The following UBE2E2 variants were observed in gnomAD, a reference collection of about 807,000 sequenced individuals.
The protein encoded by UBE2E2 is ubiquitin conjugating enzyme E2 E2.
UBE2E2 carries 6 observed loss-of-function variants against 24.7 expected under a neutral mutation model. The observed-to-expected ratio is 0.24, with a 90% CI of 0.13 to 0.48. The LOEUF (loss-of-function observed/expected upper bound fraction) is 0.48, where lower values mean the gene tolerates loss of function less well. Among genes scored for constraint, UBE2E2 ranks in the 20% least tolerant of loss-of-function variants. The probability of loss-of-function intolerance (pLI) is 0.99; values close to 1 mark genes in which losing one functional copy is unlikely to be tolerated. For missense variants in UBE2E2, 169 were observed against 245.0 expected, an observed-to-expected ratio of 0.69 and a Z score of 2.07; for synonymous variants, 104 against 83.6, an observed-to-expected ratio of 1.24 and a Z score of -1.33.
intron 3 of UBE2E2, among the ~76,000 whole-genome samples, chr3:23,261,396 T>A (rs1316549799): frequency 6.6e-6 from 1 of 152,192 alleles, no homozygotes; most frequent in Non-Finnish European, 1.5e-5. Flanking sequence ...GTTTATATTG[T>A]GAAACTTACC....
intron 4 of UBE2E2, among the ~76,000 whole-genome samples, chr3:23,522,205 A>G (rs1051783848): frequency 7.1e-6 from 1 of 141,788 alleles, no homozygotes; most frequent in South Asian, 2.1e-4. Flanking sequence ...ATCTCAGCTC[A>G]CTGCAAGCTC....
At chr3:23,399,146 G>C (rs972566036) in intron 3 of UBE2E2, among the ~76,000 whole-genome samples, 1 of 152,074 alleles carries the variant, frequency 6.6e-6, no homozygotes, top group Admixed American at 6.6e-5. Context: ...TTCATAGATA[G>C]AACATCGTTT....
rs976869455 is a variant in UBE2E2 at position 23,576,822 on chromosome 3, G to A, written c.509-12912G>A. On this transcript the variant is annotated intron_variant, in intron 5 of 5. Coordinates refer to ENST00000396703, the MANE Select transcript of UBE2E2 (RefSeq NM_152653.4). ...TTGTTGAATGAGTGCATGGGCTCCC[G>A]TCCAGTGAGAAAACAGAAAAGTAAA... is the stretch of plus-strand genomic sequence containing the variant. Among the ~76,000 whole-genome samples, 11 of 152,074 alleles carry A rather than the reference G, an allele frequency of 7.2e-5. 1 individual carries two copies. Among genetic ancestry groups the A allele is most frequent in the South Asian group, 6.2e-4 (3 of 4,816 alleles).
intron 3 of UBE2E2, among the ~76,000 whole-genome samples, chr3:23,464,910 A>C (rs974252317): frequency 6.6e-6 from 1 of 152,234 alleles, no homozygotes; most frequent in African/African-American, 2.4e-5. Context: ...AAATCATAAA[A>C]TTAGCAATGT....
chr3:23,326,464 G>T (rs941247966), intron 3 of UBE2E2, among the ~76,000 whole-genome samples: 1 of 152,086 alleles, frequency 6.6e-6, no homozygotes, highest in Non-Finnish European at 1.5e-5. Context: ...TGAGTTTTTG[G>T]AATTAACCCT....
At chr3:23,587,046 G>A (rs1696642620) in intron 5 of UBE2E2, among the ~76,000 whole-genome samples, 1 of 151,852 alleles carries the variant, frequency 6.6e-6, no homozygotes, top group South Asian at 2.1e-4. Context: ...GTCTGAGGTG[G>A]TTTTCTAAAT....
At chr3:23,208,380 A>G (rs1230006607) in intron 1 of UBE2E2, among the ~76,000 whole-genome samples, 2 of 152,152 alleles carry the variant, frequency 1.3e-5, no homozygotes, top group Non-Finnish European at 2.9e-5. Flanking sequence ...CATTATGTGA[A>G]TATACTACTA....
Position 23,208,884 on chromosome 3 carries a change from GT to G in UBE2E2, c.176+11del, listed in dbSNP as rs779621074. On this transcript the variant is annotated intron_variant, in intron 2 of 5. Coordinates refer to ENST00000396703, the MANE Select transcript of UBE2E2 (RefSeq NM_152653.4). ...TCAACTAGTGCTAAAAGGTACTTCA[GT>G]TATTATAACCTTTTTATTGTTGGTA... The G allele has an allele frequency of 7.5e-6, 12 of 1,602,282 alleles. No individual in the cohort carries two copies. Among genetic ancestry groups the G allele is most frequent in the Non-Finnish European group, 1.0e-5 (12 of 1,174,332 alleles).
intron 3 of UBE2E2, among the ~76,000 whole-genome samples, chr3:23,281,293 A>C (rs1698485921): frequency 1.3e-5 from 2 of 152,228 alleles, no homozygotes; most frequent in Admixed American, 1.3e-4. Context: ...GTAATATAAA[A>C]AAATGCCATT....
At chr3:23,517,593 G>A (rs1007519939) in intron 4 of UBE2E2, among the ~76,000 whole-genome samples, 2 of 151,986 alleles carry the variant, frequency 1.3e-5, no homozygotes, top group African/African-American at 4.8e-5. Flanking sequence ...TTCCTAGAGG[G>A]GATAAAAATC....
chr3:23,302,970 T>C (rs962684274), intron 3 of UBE2E2, among the ~76,000 whole-genome samples: 2 of 152,174 alleles, frequency 1.3e-5, no homozygotes, highest in African/African-American at 4.8e-5. Flanking sequence ...GACACATACC[T>C]GTGGAACCTG....
chr3:23,363,694 T>G (rs1352418269), intron 3 of UBE2E2, among the ~76,000 whole-genome samples: 1 of 152,108 alleles, frequency 6.6e-6, no homozygotes, highest in Admixed American at 6.5e-5. Flanking sequence ...CACACAATAG[T>G]AGTGAGAGAG....
chr3:23,444,072 T>G (rs1289067880), intron 3 of UBE2E2, among the ~76,000 whole-genome samples: 5 of 151,504 alleles, frequency 3.3e-5, no homozygotes, highest in Admixed American at 6.6e-5. Flanking sequence ...TTTGTTTTTT[T>G]TTTTTTTTTT....
chr3:23,558,377 C>A (rs1314083810), intron 5 of UBE2E2, among the ~76,000 whole-genome samples: 2 of 152,118 alleles, frequency 1.3e-5, no homozygotes, highest in Non-Finnish European at 2.9e-5. Flanking sequence ...TACACCTGGG[C>A]AAACATAGAT....
chr3:23,208,687 T>G lies in UBE2E2; in HGVS notation c.-8-5T>G, dbSNP rs1696222636. 1 of 1,594,632 alleles carries G rather than the reference T, an allele frequency of 6.3e-7. No homozygotes were observed. Among genetic ancestry groups the G allele is most frequent in the African/African-American group, 1.4e-5 (1 of 74,038 alleles). On this transcript the variant is annotated splice_region_variant and splice_polypyrimidine_tract_variant and intron_variant, in intron 1 of 5. Transcript: ENST00000396703. ...AAATAAATGATTTTTGATTCTTTAATCCAGGATCTAAAATGTCCACTGAGG... is the reference window on the plus strand; with the variant it reads ...AAATAAATGATTTTTGATTCTTTAAGCCAGGATCTAAAATGTCCACTGAGG...
intron 3 of UBE2E2, among the ~76,000 whole-genome samples, chr3:23,286,364 A>G (rs1399248705): frequency 6.6e-6 from 1 of 152,154 alleles, no homozygotes; most frequent in African/African-American, 2.4e-5. Context: ...AGTCTTCTGC[A>G]TATGGACATC....
At chr3:23,370,788 G>A (rs1224546841) in intron 3 of UBE2E2, among the ~76,000 whole-genome samples, 2 of 152,090 alleles carry the variant, frequency 1.3e-5, no homozygotes, top group Admixed American at 1.3e-4. Flanking sequence ...TGTAGATGAA[G>A]GCTATCAAAG....
intron 3 of UBE2E2, among the ~76,000 whole-genome samples, chr3:23,356,800 G>T (rs763763108): frequency 6.6e-6 from 1 of 152,186 alleles, no homozygotes; most frequent in Non-Finnish European, 1.5e-5. Flanking sequence ...CAAAATTTCA[G>T]TTATTTAACA....
At position 23,407,647 on chromosome 3, in the gene UBE2E2, A is replaced by ATGTGTG. The variant is rs71974866; in HGVS notation, c.228-91923_228-91918dup. Among the ~76,000 whole-genome samples, 673 of 138,096 alleles carry ATGTGTG rather than the reference A, an allele frequency of 4.9e-3. 14 individuals are homozygous for ATGTGTG. The highest frequency in any genetic ancestry group is 0.032 in the Admixed American group (436 of 13,434). The allele number at this position is 138,096 out of a possible 152,430, so 90.6% of individuals were successfully genotyped here. A position where few individuals can be genotyped will look rare whatever the true frequency, so the allele number is the denominator to read the frequency against. ...TGTGTGTTTGTGTGTGCATGCGTGC[A>ATGTGTG]TGTGTGTGTGTGTGTGTGTGTGTGT... On this transcript the variant is annotated intron_variant, in intron 3 of 5. Transcript: ENST00000396703. This position sits in a 1 kb window ranked among gnomAD's most constrained non-coding sequence, Gnocchi z 4.0.
Sources: allele counts gnomAD v4.1 joint callset (sites outside exome capture counted in the v4.1 genomes callset), GRCh38; gene constraint gnomAD v4.1.1; non-coding constraint Gnocchi (gnomAD v3.1); transcripts MANE v1.5; gene names NCBI Gene and HGNC (gene_info 2026-07-23, HGNC 2026-07-21).